TSPAN9: variants seen among roughly 807,000 people sequenced by gnomAD.
The protein encoded by TSPAN9 is tetraspanin-9.
TSPAN9 carries 16 observed loss-of-function variants against 31.0 expected under a neutral mutation model. That is an observed-to-expected ratio of 0.52 (90% CI 0.35 to 0.78). The LOEUF is 0.78. TSPAN9 is among the 30% of genes least tolerant of loss of function. The pLI is 0.01. For synonymous variants in TSPAN9, 145 were observed against 121.6 expected (o/e 1.19, Z -1.27); for missense variants, 272 against 312.5 (o/e 0.87, Z 0.98).
chr12:3,280,336 C>T lies in TSPAN9; in HGVS notation c.331-46C>T. ...ACCTGAGGTGGGCTGGAGAGACGAG[C>T]TGCGTCCTGGTTCCAACCGTCTCAC... On this transcript the variant is annotated intron_variant, in intron 5 of 8. Coordinates refer to ENST00000011898, the MANE Select transcript of TSPAN9 (RefSeq NM_006675.5). The surrounding 1 kb of genome is among the most constrained non-coding windows in gnomAD (Gnocchi z 4.5). The T allele has an allele frequency of 3.2e-6, 5 of 1,570,022 alleles. No individual in the cohort carries two copies. The highest frequency in any genetic ancestry group is 4.4e-6 in the Non-Finnish European group (5 of 1,145,162).
chr12:3,215,424 T>C (rs1306481052), intron 3 of TSPAN9: 1 of 152,220 alleles, frequency 6.6e-6, no homozygotes, highest in Non-Finnish European at 1.5e-5. Context: ...TGGGCTGCAA[T>C]GGGATGGTGA....
chr12:3,219,544 G>A (rs982240462), intron 3 of TSPAN9, among the ~76,000 whole-genome samples: 1 of 152,186 alleles, frequency 6.6e-6, no homozygotes, highest in African/African-American at 2.4e-5. Context: ...CAGACAGGCA[G>A]CTCTCTCAAA....
At chr12:3,157,048 CAG>C (rs2098342604) in intron 2 of TSPAN9, among the ~76,000 whole-genome samples, 1 of 151,870 alleles carries the variant, frequency 6.6e-6, no homozygotes, top group Non-Finnish European at 1.5e-5. Context: ...AGAAACAGGC[CAG>C]AGAGGGCAGA....
chr12:3,127,912 G>A (rs529913904), intron 2 of TSPAN9, among the ~76,000 whole-genome samples: 6 of 152,272 alleles, frequency 3.9e-5, no homozygotes, highest in African/African-American at 1.4e-4. Flanking sequence ...AGGCTTGGTG[G>A]CATGCCCACC....
At chr12:3,102,043 T>C (rs2098312071) in intron 2 of TSPAN9, among the ~76,000 whole-genome samples, 1 of 152,208 alleles carries the variant, frequency 6.6e-6, no homozygotes, top group African/African-American at 2.4e-5. Context: ...TGCTGCACAT[T>C]GTAGAGGCTC....
chr12:3,238,156 C>T (rs760374367), intron 3 of TSPAN9, among the ~76,000 whole-genome samples: 2 of 152,202 alleles, frequency 1.3e-5, no homozygotes, highest in Non-Finnish European at 2.9e-5. Flanking sequence ...GATGCATTAT[C>T]CCCATTCTAC....
intron 3 of TSPAN9, among the ~76,000 whole-genome samples, chr12:3,269,533 CGTTCCTGCAGCCTGCCCTCTCTGT>C (rs1299935045): frequency 0.066 from 6,942 of 105,454 alleles, 135 homozygotes; most frequent in African/African-American, 0.15. Context: ...GCCCTCCGTG[CGTTCCTGCAGCCTGCCCTCTCTGT>C]GTTCCTGCAG....
intron 3 of TSPAN9, among the ~76,000 whole-genome samples, chr12:3,224,791 C>T (rs572948680): frequency 2.0e-5 from 3 of 152,312 alleles, no homozygotes; most frequent in East Asian, 1.9e-4. Context: ...ACAGATTTCC[C>T]GGTTCTGTCA....
At position 3,147,009 on chromosome 12, in the gene TSPAN9, T is replaced by C. The variant is rs79460471; in HGVS notation, c.-17-54168T>C. Among the ~76,000 whole-genome samples, 2,273 of 152,224 alleles carry C rather than the reference T, an allele frequency of 0.015. 63 individuals carry two copies. Among genetic ancestry groups the C allele is most frequent in the African/African-American group, 0.052 (2,159 of 41,546 alleles). On this transcript the variant is annotated intron_variant, in intron 2 of 8. Transcript: ENST00000011898. The surrounding 1 kb of genome is among the most constrained non-coding windows in gnomAD (Gnocchi z 4.3). ...TAACCACACTCACCTTTCAGTAGTATTTTGGACATCAAATGGGTAGATGTA... is the reference window on the plus strand; with the variant it reads ...TAACCACACTCACCTTTCAGTAGTACTTTGGACATCAAATGGGTAGATGTA...
chr12:3,130,754 A>C (rs968088017), intron 2 of TSPAN9, among the ~76,000 whole-genome samples: 1 of 152,190 alleles, frequency 6.6e-6, no homozygotes, highest in African/African-American at 2.4e-5. Context: ...TCTGGCACAC[A>C]CGGCCGTGCT....
chr12:3,135,814 C>T (rs963550474), intron 2 of TSPAN9, among the ~76,000 whole-genome samples: 2 of 152,208 alleles, frequency 1.3e-5, no homozygotes, highest in Non-Finnish European at 2.9e-5. Flanking sequence ...GCCGAGGCAG[C>T]CCTCTCAGAC....
chr12:3,226,675 T>A, intron 3 of TSPAN9, among the ~76,000 whole-genome samples: 1 of 6,534 alleles, frequency 1.5e-4, no homozygotes, highest in Non-Finnish European at 2.9e-4. Context: ...TGTGTGTGTG[T>A]GTGTGTGTGT....
rs5796041 is a variant in TSPAN9 at position 3,262,372 on chromosome 12, C to CTT, written c.64-16037_64-16036dup. Among the ~76,000 whole-genome samples, 138 of 147,730 alleles carry CTT rather than the reference C, an allele frequency of 9.3e-4. 1 individual carries two copies. The highest frequency in any genetic ancestry group is 1.5e-3 in the South Asian group (7 of 4,688). ...TCCTCGGCTCTCTCTGGCTGCTGCTCTTTTTTTTTTTTTCTGTTGAATAAG... is the reference window on the plus strand; with the variant it reads ...TCCTCGGCTCTCTCTGGCTGCTGCTCTTTTTTTTTTTTTTTCTGTTGAATAAG... On this transcript the variant is annotated intron_variant, in intron 3 of 8. Coordinates refer to ENST00000011898, the MANE Select transcript of TSPAN9 (RefSeq NM_006675.5).
intron 2 of TSPAN9, among the ~76,000 whole-genome samples, chr12:3,158,232 A>G (rs1318744772): frequency 1.3e-5 from 2 of 152,102 alleles, no homozygotes; most frequent in Non-Finnish European, 2.9e-5. Context: ...CCCCTGCCCC[A>G]TGGATGCCTC....
At chr12:3,209,776 G>A (rs1264060885) in intron 3 of TSPAN9, among the ~76,000 whole-genome samples, 2 of 151,940 alleles carry the variant, frequency 1.3e-5, no homozygotes, top group African/African-American at 2.4e-5. Context: ...TGGCTAACAC[G>A]GTGAAACCCC....
At chr12:3,155,150 T>C (rs1481936461) in intron 2 of TSPAN9, among the ~76,000 whole-genome samples, 2 of 152,312 alleles carry the variant, frequency 1.3e-5, no homozygotes, top group East Asian at 3.9e-4. Flanking sequence ...AACCTGTGCG[T>C]GGGCTGGATT....
chr12:3,084,956 G>A (rs2098299670), intron 2 of TSPAN9, among the ~76,000 whole-genome samples: 1 of 152,186 alleles, frequency 6.6e-6, no homozygotes, highest in African/African-American at 2.4e-5. Flanking sequence ...TCCTCCTCCC[G>A]CCTCCCTGGG....
At chr12:3,209,745 G>T (rs2098377358) in intron 3 of TSPAN9, among the ~76,000 whole-genome samples, 1 of 151,484 alleles carries the variant, frequency 6.6e-6, no homozygotes, top group South Asian at 2.1e-4. Flanking sequence ...GGATCACGAG[G>T]TCAGGAGATC....
rs79453545 is a variant in TSPAN9 at position 3,133,915 on chromosome 12, G to T, written c.-18+50196G>T. ...CAGTTTCTAGCTTGACACTGGCTTT[G>T]CATCTTTTGGTGAAGGTAAGTTATT... On this transcript the variant is annotated intron_variant, in intron 2 of 8. Coordinates refer to ENST00000011898, the MANE Select transcript of TSPAN9 (RefSeq NM_006675.5). 6.9e-3 allele frequency among the ~76,000 whole-genome samples: 1,057 copies of T among 152,292 alleles called. 5 individuals are homozygous for T. The highest frequency in any genetic ancestry group is 0.011 in the Non-Finnish European group (780 of 68,038).
Sources: allele counts gnomAD v4.1 joint callset (sites outside exome capture counted in the v4.1 genomes callset), GRCh38; gene constraint gnomAD v4.1.1; non-coding constraint Gnocchi (gnomAD v3.1); transcripts MANE v1.5; gene names NCBI Gene and HGNC (gene_info 2026-07-23, HGNC 2026-07-21).